Variants in MYRIP observed in about 807,000 individuals in gnomAD.
MYRIP encodes rab effector MyRIP.
MYRIP carries 49 observed loss-of-function variants against 98.0 expected under a neutral mutation model. That is an observed-to-expected ratio of 0.50 (90% CI 0.40 to 0.63). MYRIP has a LOEUF of 0.63. Among genes scored for constraint, MYRIP ranks in the 30% least tolerant of loss-of-function variants. The probability of loss-of-function intolerance (pLI) is 0.00; values close to 1 mark genes in which losing one functional copy is unlikely to be tolerated. For synonymous variants in MYRIP, 404 were observed against 409.5 expected, an observed-to-expected ratio of 0.99 and a Z score of 0.16; for missense variants, 1,004 against 1,058.2, an observed-to-expected ratio of 0.95 and a Z score of 0.71.
chr3:40,102,553 T>C (rs1948966485), intron 3 of MYRIP, among the ~76,000 whole-genome samples: 1 of 152,172 alleles, frequency 6.6e-6, no homozygotes, highest in Non-Finnish European at 1.5e-5. Context: ...GTGGGTTTAA[T>C]TTGCCTTATT....
intron 2 of MYRIP, among the ~76,000 whole-genome samples, chr3:39,985,582 A>C (rs1946012028): frequency 7.3e-6 from 1 of 137,496 alleles, no homozygotes; most frequent in African/African-American, 2.9e-5. Flanking sequence ...AGTAACCAAA[A>C]CAGCATGGTA....
chr3:40,151,189 T>C lies in MYRIP; in HGVS notation c.469+5T>C, dbSNP rs1439836938. 1 of 1,593,486 alleles carries C rather than the reference T, an allele frequency of 6.3e-7. No individual in the cohort carries two copies. Among genetic ancestry groups the C allele is most frequent in the Admixed American group, 1.7e-5 (1 of 58,378 alleles). On this transcript the variant is annotated splice_donor_5th_base_variant and intron_variant, in intron 4 of 16. Coordinates refer to ENST00000302541, the MANE Select transcript of MYRIP (RefSeq NM_015460.4). ...GCGCGTGCTTCGACATTCTAGGTAC[T>C]CTCACTTCCTGCCGCTCTGGGAGTC...
rs1947303212 is a variant in MYRIP, at chr3:40,033,371, G to A, written c.111-10679G>A. On this transcript the variant is annotated intron_variant, in intron 2 of 16. Transcript: ENST00000302541. The stretch of plus-strand genomic sequence containing the variant: ...TAAGCTGATAAGCAACTTCAGCAAA[G>A]TGTCAGGATACAAAATCAATGTACA... 2.6e-5 allele frequency among the ~76,000 whole-genome samples: 4 copies of A among 152,112 alleles called. No individual in the cohort carries two copies. The South Asian group carries it at 6.2e-4, about 24-fold the overall frequency.
At chr3:40,185,455 G>C (rs1951006992) in intron 9 of MYRIP, among the ~76,000 whole-genome samples, 1 of 152,162 alleles carries the variant, frequency 6.6e-6, no homozygotes, top group African/African-American at 2.4e-5. Flanking sequence ...GGAATTTGGA[G>C]AAAGAGGAAG....
chr3:39,901,685 T>C (rs186237901), intron 2 of MYRIP, among the ~76,000 whole-genome samples: 47 of 152,306 alleles, frequency 3.1e-4, no homozygotes, highest in African/African-American at 1.1e-3. Context: ...CACCATCTTC[T>C]TCCTTAGACA....
At position 39,997,585 on chromosome 3, in the gene MYRIP, A is replaced by G. The variant is rs568693110; in HGVS notation, c.111-46465A>G. ...AAAGTCCAGGACCAGACGGATTCAC[A>G]GCCGAATTCTACCAGAGGTACAAGG... On this transcript the variant is annotated intron_variant, in intron 2 of 16. Transcript: ENST00000302541. 2.0e-5 allele frequency among the ~76,000 whole-genome samples: 3 copies of G among 152,326 alleles called. No individual in the cohort carries two copies. In the South Asian group the frequency reaches 6.2e-4, roughly 32 times the overall value.
At chr3:40,120,024 C>T (rs1180703710) in intron 3 of MYRIP, among the ~76,000 whole-genome samples, 1 of 152,090 alleles carries the variant, frequency 6.6e-6, no homozygotes, top group Non-Finnish European at 1.5e-5. Context: ...CAAAATAATA[C>T]CTATCTCATA....
In MYRIP at chr3:40,250,279, C is replaced by A; in HGVS notation, c.2320C>A (p.Pro774Thr). ...GACCATTGCAGGATTAAACATAGCA[C>A]CATGTGTGCGCTTCACAAGAAGACG... is the stretch of plus-strand genomic sequence containing the variant. ...ALTIAGLNIA[P>T]CVRFTRRRDQ... Residue 774 changes from proline (P) to threonine (T), a missense_variant, in exon 14 of 17, where the codon CCA (proline) becomes ACA (threonine). By Grantham distance (38) the Pro-to-Thr change is conservative. Transcript: ENST00000302541. The A allele has an allele frequency of 4.3e-6, 7 of 1,614,136 alleles. No homozygotes were observed. Among genetic ancestry groups the A allele is most frequent in the Non-Finnish European group, 5.9e-6 (7 of 1,180,006 alleles).
At chr3:40,054,365 C>T (rs1240726171) in intron 3 of MYRIP, among the ~76,000 whole-genome samples, 8 of 152,092 alleles carry the variant, frequency 5.3e-5, no homozygotes, top group Admixed American at 5.2e-4. Context: ...ATAGCCTGAT[C>T]ACCATAGGTT....
At chr3:39,886,912 A>G in intron 1 of MYRIP, among the ~76,000 whole-genome samples, 1 of 152,126 alleles carries the variant, frequency 6.6e-6, no homozygotes, top group East Asian at 1.9e-4. Flanking sequence ...CACCACACCT[A>G]TTCCAAAATT....
Position 39,874,153 on chromosome 3 carries a change from C to T in MYRIP, c.-30-26634C>T, listed in dbSNP as rs1473813134. Among the ~76,000 whole-genome samples, 1,367 of 151,556 alleles carry T rather than the reference C, an allele frequency of 9.0e-3. 19 individuals are homozygous for T. The highest frequency in any genetic ancestry group is 0.028 in the African/African-American group (1,163 of 41,052). Reference sequence around the variant, plus strand: ...TGGCTCTCTGTTTGTCTGTTGTTGGCGTATAAGAATGCTTGTGATTTTTGT... The same window carrying T: ...TGGCTCTCTGTTTGTCTGTTGTTGGTGTATAAGAATGCTTGTGATTTTTGT... On this transcript the variant is annotated intron_variant, in intron 1 of 16. Transcript: ENST00000302541.
chr3:39,822,733 G>A (rs918375617), intron 1 of MYRIP, among the ~76,000 whole-genome samples: 12 of 151,976 alleles, frequency 7.9e-5, no homozygotes, highest in African/African-American at 2.9e-4. Context: ...ACTTTCATTT[G>A]TATGAGGTCA....
intron 1 of MYRIP, among the ~76,000 whole-genome samples, chr3:39,859,110 GAAAA>G (rs3062463): frequency 7.6e-6 from 1 of 132,394 alleles, no homozygotes; most frequent in South Asian, 2.4e-4. Context: ...TTGGTTTTTT[GAAAA>G]AAAAAAAAAA....
chr3:39,840,272 A>T (rs1164845452), intron 1 of MYRIP, among the ~76,000 whole-genome samples: 1 of 152,084 alleles, frequency 6.6e-6, no homozygotes, highest in Non-Finnish European at 1.5e-5. Flanking sequence ...AGTCTGTTTT[A>T]TCAGAGACTA....
chr3:40,176,896 C>CA (rs71091792), intron 8 of MYRIP, among the ~76,000 whole-genome samples: 113,908 of 136,510 alleles, frequency 0.83, 48,448 homozygotes, highest in Admixed American at 0.91. Flanking sequence ...GCAACAAGAG[C>CA]AAACTCCATC....
chr3:40,200,568 G>A (rs1168486515), intron 10 of MYRIP, among the ~76,000 whole-genome samples: 1 of 152,028 alleles, frequency 6.6e-6, no homozygotes, highest in Non-Finnish European at 1.5e-5. Context: ...AAATTATTTG[G>A]GGCCTTCTTT....
chr3:39,953,022 C>T (rs750907665), intron 2 of MYRIP, among the ~76,000 whole-genome samples: 1 of 152,126 alleles, frequency 6.6e-6, no homozygotes, highest in Non-Finnish European at 1.5e-5. Context: ...GCTTCATTGT[C>T]TTCCCCCATT....
intron 1 of MYRIP, among the ~76,000 whole-genome samples, chr3:39,871,022 T>G (rs369366198): frequency 6.6e-6 from 1 of 152,224 alleles, no homozygotes; most frequent in Non-Finnish European, 1.5e-5. Context: ...CATTTTCCCA[T>G]GTAGGTGGGC....
intron 1 of MYRIP, among the ~76,000 whole-genome samples, chr3:39,886,537 T>G (rs1183936837): frequency 1.3e-5 from 2 of 151,532 alleles, no homozygotes; most frequent in Non-Finnish European, 2.9e-5. Context: ...GGGGTTGCAA[T>G]CCTAGTCTCT....
Sources: allele counts gnomAD v4.1 joint callset (sites outside exome capture counted in the v4.1 genomes callset), GRCh38; gene constraint gnomAD v4.1.1; transcripts MANE v1.5; gene names NCBI Gene and HGNC (gene_info 2026-07-23, HGNC 2026-07-21).